The following OTOG variants were observed in gnomAD, a reference collection of about 807,000 sequenced individuals.
OTOG encodes the protein otogelin.
Under a neutral mutation model 313.8 loss-of-function variants are expected in OTOG, and 296 were observed. That is an observed-to-expected ratio of 0.94 (90% CI 0.86 to 1.04). The LOEUF (loss-of-function observed/expected upper bound fraction) is 1.04, where lower values mean the gene tolerates loss of function less well. Among genes scored for constraint, OTOG ranks in the 50% least tolerant of loss-of-function variants. OTOG has a pLI of 0.00. For synonymous variants in OTOG, 1,533 were observed against 1,554.9 expected, an observed-to-expected ratio of 0.99 and a Z score of 0.33; for missense variants, 3,948 against 3,840.1, an observed-to-expected ratio of 1.03 and a Z score of -0.74.
intron 24 of OTOG, among the ~76,000 whole-genome samples, chr11:17,590,489 C>T (rs934233709): frequency 3.9e-5 from 6 of 152,216 alleles, no homozygotes; most frequent in African/African-American, 1.2e-4. Flanking sequence ...TCCAGGCTGC[C>T]ATGATCTCTT....
In OTOG at chr11:17,645,921, G is replaced by T. The variant is rs755649552; in HGVS notation, c.8719G>T (p.Asp2907Tyr). ...WVPYTVQEPT[D>Y]CACQWS ...GCCCTATACAGTGCAGGAGCCCACC[G>T]ACTGTGCCTGCCAGTGGTCCTGAGG... Residue 2907 changes from aspartate (D) to tyrosine (Y), a missense_variant, in exon 56 of 56, where the codon GAC (aspartate) becomes TAC (tyrosine). Transcript: ENST00000399397. 10 of 1,549,762 alleles carry T rather than the reference G, an allele frequency of 6.5e-6. No homozygotes were observed. The highest frequency in any genetic ancestry group is 2.4e-5 in the East Asian group (1 of 40,928).
At chr11:17,553,024 TG>T in intron 4 of OTOG, 94 bp from the exon 5 acceptor site, 1 of 1,122,098 alleles carries the variant, frequency 8.9e-7, no homozygotes, top group Non-Finnish European at 1.3e-6. Context: ...CTGCCTGTTA[TG>T]GGGGTCTGGA....
chr11:17,602,608 G>T (rs746404751), intron 32 of OTOG, among the ~76,000 whole-genome samples: 1 of 152,192 alleles, frequency 6.6e-6, no homozygotes, highest in Non-Finnish European at 1.5e-5. Context: ...GTGTGCCTCT[G>T]TACCTTGCTG....
intron 47 of OTOG, among the ~76,000 whole-genome samples, chr11:17,636,298 A>C (rs1374468793): frequency 1.3e-5 from 2 of 152,226 alleles, no homozygotes; most frequent in African/African-American, 4.8e-5. Context: ...CTATGTACAT[A>C]GTACCTCAAT....
intron 39 of OTOG, among the ~76,000 whole-genome samples, chr11:17,616,144 C>T (rs1282290393): frequency 6.6e-6 from 1 of 151,930 alleles, no homozygotes; most frequent in Non-Finnish European, 1.5e-5. Flanking sequence ...ACTGCAGCCT[C>T]GATCTCCTGG....
At chr11:17,581,031 A>G (rs948167882) in intron 23 of OTOG, among the ~76,000 whole-genome samples, 2 of 152,192 alleles carry the variant, frequency 1.3e-5, no homozygotes, top group African/African-American at 4.8e-5. Context: ...ACGTGGGTGG[A>G]TGTGTAGAAA....
chr11:17,586,952 A>G (rs1852807574), intron 24 of OTOG, among the ~76,000 whole-genome samples: 1 of 151,716 alleles, frequency 6.6e-6, no homozygotes, highest in East Asian at 1.9e-4. Context: ...GGCATTCACA[A>G]ATCTCAATAT....
Position 17,553,233 on chromosome 11 carries a change from C to A in OTOG, c.385+22C>A, listed in dbSNP as rs1005928148. 25 of 1,549,002 alleles carry A rather than the reference C, an allele frequency of 1.6e-5. No individual in the cohort carries two copies. The Admixed American group carries it at 4.7e-4, about 29-fold the overall frequency. On this transcript the variant is annotated intron_variant, in intron 5 of 55. Coordinates refer to ENST00000399397, the MANE Select transcript of OTOG (RefSeq NM_001292063.2). ...ATGGGTGGGTCTGGGCTCCACCCCA[C>A]CCCCAGGAAGGGACCTGGGTGCAGG...
At chr11:17,617,521 G>A (rs974338236) in intron 39 of OTOG, among the ~76,000 whole-genome samples, 1 of 151,862 alleles carries the variant, frequency 6.6e-6, no homozygotes, top group Admixed American at 6.6e-5. Flanking sequence ...TTTCTTCTTT[G>A]GTAAATTTGG....
chr11:17,568,356 T>C (rs1852333762), intron 15 of OTOG, among the ~76,000 whole-genome samples: 1 of 152,224 alleles, frequency 6.6e-6, no homozygotes, highest in South Asian at 2.1e-4. Flanking sequence ...TTATGATAAT[T>C]TTATGTTATT....
intron 15 of OTOG, among the ~76,000 whole-genome samples, chr11:17,565,132 C>A (rs2134016046): frequency 6.6e-6 from 1 of 152,226 alleles, no homozygotes; most frequent in South Asian, 2.1e-4. Context: ...TAGTTTTTTA[C>A]CTAATGTCAT....
chr11:17,597,387 C>T (rs963323141), intron 30 of OTOG, among the ~76,000 whole-genome samples: 2 of 152,156 alleles, frequency 1.3e-5, no homozygotes, highest in Non-Finnish European at 2.9e-5. Context: ...CCCAACCTCT[C>T]TAGGGCTCAA....
chr11:17,630,296 CTCA>C (rs1166588164), intron 40 of OTOG, among the ~76,000 whole-genome samples: 1 of 152,176 alleles, frequency 6.6e-6, no homozygotes, highest in African/African-American at 2.4e-5. Context: ...CCATCTTTTT[CTCA>C]TCATTTCTTC....
At chr11:17,614,876 T>C (rs1480228941) in intron 39 of OTOG, among the ~76,000 whole-genome samples, 1 of 152,230 alleles carries the variant, frequency 6.6e-6, no homozygotes, top group African/African-American at 2.4e-5. Context: ...TTTGTGTAGA[T>C]AAAGCCCCCA....
intron 3 of OTOG, among the ~76,000 whole-genome samples, chr11:17,548,893 T>G (rs889290927): frequency 6.6e-6 from 1 of 152,052 alleles, no homozygotes; most frequent in Non-Finnish European, 1.5e-5. Flanking sequence ...GAATTTCAAT[T>G]TTTTTGGTAG....
Position 17,558,235 on chromosome 11 carries a change from G to A in OTOG, c.916G>A (p.Ala306Thr), listed in dbSNP as rs553079779. Residue 306 changes from alanine (A) to threonine (T), a missense_variant, in exon 9 of 56, where the codon GCC (alanine) becomes ACC (threonine). Coordinates refer to ENST00000399397, the MANE Select transcript of OTOG (RefSeq NM_001292063.2). The stretch of plus-strand genomic sequence containing the variant: ...GTTTGTGCACAGCTGGCAGGAGCAG[G>A]CCCCTAACCAGCCTCCAGGGCCCAC... ...VEFVHSWQEQ[A>T]PNQPPGPTTS... 1.5e-4 allele frequency: 228 copies of A among 1,550,538 alleles called. No individual in the cohort carries two copies. In the East Asian group the frequency reaches 4.3e-3, roughly 29 times the overall value.
Position 17,634,282 on chromosome 11 carries a change from G to A in OTOG, c.7480+1G>A, listed in dbSNP as rs1374254106. The A allele has an allele frequency of 1.3e-6, 2 of 1,549,926 alleles. No individual in the cohort carries two copies. Among genetic ancestry groups the A allele is most frequent in the Middle Eastern group, 1.7e-4 (1 of 5,984 alleles). On this transcript the variant is annotated splice_donor_variant, in intron 44 of 55. Coordinates refer to ENST00000399397, the MANE Select transcript of OTOG (RefSeq NM_001292063.2). LOFTEE classifies it high-confidence loss of function. The stretch of plus-strand genomic sequence containing the variant: ...CCCTGCTGCCTGGGGACTGTCTGTG[G>A]TGAGTGTCCACCTTCACTTCCTTGG...
rs59058349 is a variant in OTOG, at chr11:17,580,605, A to G, written c.2759+2079A>G. On this transcript the variant is annotated intron_variant, in intron 23 of 55. Transcript: ENST00000399397. ...GGTCTGCTAAGAGCAAGGAGGGAGT[A>G]ATGGATGGTGGGCAACAGAGAAGAC... 6.9e-3 allele frequency among the ~76,000 whole-genome samples: 1,049 copies of G among 152,342 alleles called. 12 individuals are homozygous for G. The highest frequency in any genetic ancestry group is 0.024 in the African/African-American group (1,011 of 41,584).
Position 17,602,333 on chromosome 11 carries a change from T to C in OTOG, c.3833T>C (p.Val1278Ala). 6.5e-7 allele frequency: 1 copy of C among 1,550,206 alleles called. No individual in the cohort carries two copies. Residue 1278 changes from valine (V) to alanine (A), a missense_variant, in exon 32 of 56, where the codon GTG (valine) becomes GCG (alanine). Physicochemically the swap from Val to Ala is moderately conservative, Grantham distance 64. Coordinates refer to ENST00000399397, the MANE Select transcript of OTOG (RefSeq NM_001292063.2). ...GAGGATGTGGCGCCAGCAGACATTG[T>C]GAGCTTCCTGCTGACAGCTGCTCTG... ...RTEDVAPADI[V>A]SFLLTAALYK...
Sources: allele counts gnomAD v4.1 joint callset (sites outside exome capture counted in the v4.1 genomes callset), GRCh38; gene constraint gnomAD v4.1.1; transcripts MANE v1.5; gene names NCBI Gene and HGNC (gene_info 2026-07-23, HGNC 2026-07-21).